Variants in EYS observed in about 807,000 individuals in gnomAD.
The protein encoded by EYS is protein eyes shut homolog.
A neutral mutation model predicts 282.1 loss-of-function variants in EYS; 250 were observed. The observed-to-expected ratio is 0.89, with a 90% confidence interval of 0.80 to 0.98. The LOEUF (loss-of-function observed/expected upper bound fraction) is 0.98. EYS is among the 50% of genes least tolerant of loss of function. EYS has a pLI of 0.00. For missense variants in EYS, 4,016 were observed against 3,709.0 expected, an observed-to-expected ratio of 1.08 and a Z score of -2.15; for synonymous variants, 1,355 against 1,282.9, an observed-to-expected ratio of 1.06 and a Z score of -1.20.
chr6:64,869,006 A>C (rs922245645), intron 19 of EYS, among the ~76,000 whole-genome samples: 4 of 151,556 alleles, frequency 2.6e-5, no homozygotes, highest in African/African-American at 4.8e-5. Context: ...TTAATCCTTT[A>C]AACTGTAATT....
chr6:64,446,680 G>C (rs376322234), intron 26 of EYS, among the ~76,000 whole-genome samples: 1 of 151,870 alleles, frequency 6.6e-6, no homozygotes, highest in Non-Finnish European at 1.5e-5. Flanking sequence ...GGAATATTAT[G>C]AGAGAATAAT....
chr6:63,872,528 G>T (rs138365677), intron 35 of EYS, among the ~76,000 whole-genome samples: 3 of 148,362 alleles, frequency 2.0e-5, no homozygotes, highest in African/African-American at 5.0e-5. Context: ...ACCCAGGCTG[G>T]AGTGCAGTGG....
chr6:64,737,032 C>T (rs923885308), intron 22 of EYS, among the ~76,000 whole-genome samples: 2 of 152,036 alleles, frequency 1.3e-5, no homozygotes, highest in African/African-American at 4.8e-5. Flanking sequence ...TTGTGTGTCA[C>T]CCAAATTGTG....
At chr6:64,791,688 C>A (rs1259334912) in intron 22 of EYS, among the ~76,000 whole-genome samples, 2 of 151,734 alleles carry the variant, frequency 1.3e-5, no homozygotes, top group African/African-American at 2.4e-5. Flanking sequence ...AATGTTTTAA[C>A]CTGTGTACAA....
intron 22 of EYS, among the ~76,000 whole-genome samples, chr6:64,751,557 A>G (rs973453158): frequency 6.6e-6 from 1 of 152,236 alleles, no homozygotes; most frequent in Non-Finnish European, 1.5e-5. Flanking sequence ...GGCTGAGCAC[A>G]GAGACAAGGC....
intron 39 of EYS, among the ~76,000 whole-genome samples, chr6:63,786,472 G>C (rs964181605): frequency 6.6e-6 from 1 of 151,700 alleles, no homozygotes; most frequent in Non-Finnish European, 1.5e-5. Context: ...CTCATAAGTG[G>C]GAGTTGAACA....
chr6:65,441,551 C>T (rs376853236), intron 5 of EYS, among the ~76,000 whole-genome samples: 5 of 151,896 alleles, frequency 3.3e-5, no homozygotes, highest in East Asian at 1.9e-4. Context: ...TGTTGACAGA[C>T]GGTTGCAGAT....
In EYS at chr6:65,001,456, G is replaced by C. The variant is rs1289118768; in HGVS notation, c.2138-3753C>G. Among the ~76,000 whole-genome samples the C allele has an allele frequency of 2.7e-5, 4 of 147,648 alleles. 1 individual carries two copies. Among genetic ancestry groups the C allele is most frequent in the South Asian group, 4.4e-4 (2 of 4,558 alleles). On this transcript the variant is annotated intron_variant, in intron 13 of 42. Transcript: ENST00000503581. The stretch of plus-strand genomic sequence containing the variant: ...CTCTTCTCTCTTTCTCTGCGGAAGA[G>C]TCCGTTGGTCTGCCTGTCTTACCTC...
chr6:64,406,198 A>G (rs978877101), intron 28 of EYS, among the ~76,000 whole-genome samples: 2 of 152,222 alleles, frequency 1.3e-5, no homozygotes, highest in South Asian at 4.1e-4. Flanking sequence ...CCTGACAAAA[A>G]CAAGCAATAA....
intron 5 of EYS, among the ~76,000 whole-genome samples, chr6:65,433,182 G>A (rs1277713820): frequency 6.6e-6 from 1 of 152,102 alleles, no homozygotes; most frequent in Non-Finnish European, 1.5e-5. Flanking sequence ...TATAAAACTA[G>A]ACAAGAATAC....
At chr6:65,185,688 T>C (rs1319214436) in intron 12 of EYS, among the ~76,000 whole-genome samples, 2 of 151,816 alleles carry the variant, frequency 1.3e-5, no homozygotes, top group Admixed American at 6.6e-5. Context: ...GTGTTCGTTC[T>C]TTTTGTTTTT....
chr6:65,678,006 G>A (rs1768684460), intron 1 of EYS, among the ~76,000 whole-genome samples: 1 of 152,036 alleles, frequency 6.6e-6, no homozygotes, highest in African/African-American at 2.4e-5. Flanking sequence ...ATAAAGAAAA[G>A]AGTTAGTTGC....
intron 12 of EYS, among the ~76,000 whole-genome samples, chr6:65,095,408 A>C (rs926813351): frequency 1.3e-5 from 2 of 151,004 alleles, no homozygotes; most frequent in Non-Finnish European, 3.0e-5. Context: ...TTAAATGTTG[A>C]AAGTTGCTAA....
intron 13 of EYS, among the ~76,000 whole-genome samples, chr6:65,016,786 A>T (rs1183172765): frequency 6.6e-6 from 1 of 152,216 alleles, no homozygotes; most frequent in African/African-American, 2.4e-5. Flanking sequence ...CATATTAAAG[A>T]TAAGTCCTAA....
At chr6:64,293,597 T>C (rs9353691) in intron 30 of EYS, among the ~76,000 whole-genome samples, 108,852 of 151,962 alleles carry the variant, frequency 0.72, 39,176 homozygotes, top group African/African-American at 0.79. Flanking sequence ...TAATAAAGGG[T>C]AAGATGGTGT....
At chr6:63,913,354 T>C (rs1033114384) in intron 35 of EYS, among the ~76,000 whole-genome samples, 4 of 152,256 alleles carry the variant, frequency 2.6e-5, no homozygotes, top group African/African-American at 9.6e-5. Flanking sequence ...AGAATTTATA[T>C]ACAATAAAAT....
At chr6:63,732,151 G>T (rs905197643) in intron 41 of EYS, among the ~76,000 whole-genome samples, 1 of 151,932 alleles carries the variant, frequency 6.6e-6, no homozygotes, top group African/African-American at 2.4e-5. Flanking sequence ...TCATAAAACA[G>T]CTGACCTCCT....
At position 63,941,511 on chromosome 6, in the gene EYS, G is replaced by A. The variant is rs541420261; in HGVS notation, c.7055+42872C>T. On this transcript the variant is annotated intron_variant, in intron 35 of 42. Transcript: ENST00000503581. The stretch of plus-strand genomic sequence containing the variant: ...TGAGAAGTGTCTGTTCATATCCTTC[G>A]TCCACTTTTTGATGGGGTTGTTTGA... Among the ~76,000 whole-genome samples the A allele has an allele frequency of 9.6e-4, 146 of 152,128 alleles. 1 individual carries two copies. The highest frequency in any genetic ancestry group is 3.2e-3 in the African/African-American group (131 of 41,510).
At chr6:64,967,309 A>C (rs561249169) in intron 14 of EYS, among the ~76,000 whole-genome samples, 1 of 151,618 alleles carries the variant, frequency 6.6e-6, no homozygotes, top group African/African-American at 2.4e-5. Context: ...TGTTCACTGT[A>C]GTCTGAGATC....
Sources: allele counts gnomAD v4.1 joint callset (sites outside exome capture counted in the v4.1 genomes callset), GRCh38; gene constraint gnomAD v4.1.1; transcripts MANE v1.5; gene names NCBI Gene and HGNC (gene_info 2026-07-23, HGNC 2026-07-21).